Variants in LANCL3 observed in about 807,000 individuals in gnomAD.
The protein encoded by LANCL3 is LanC like family member 3.
In LANCL3, 19 loss-of-function variants were observed where a neutral mutation model predicts 26.5. That is an observed-to-expected ratio of 0.72 (90% CI 0.50 to 1.05). LANCL3 has a LOEUF of 1.05. LANCL3 is among the 50% of genes least tolerant of loss of function. LANCL3 has a pLI of 0.00. For missense variants in LANCL3, 318 were observed against 362.7 expected (o/e 0.88, Z 1.00); for synonymous variants, 160 against 166.6 (o/e 0.96, Z 0.30).
At chrX:37,637,791 G>C (rs1481043829) in intron 1 of LANCL3, among the ~76,000 whole-genome samples, 4 of 110,670 alleles carry the variant, frequency 3.6e-5, no homozygotes, top group Non-Finnish European at 7.6e-5. Context: ...GGGAATGTCT[G>C]CCTAGCTCAG....
At chrX:37,646,403 A>G (rs1556426916) in intron 1 of LANCL3, among the ~76,000 whole-genome samples, 1 of 112,214 alleles carries the variant, frequency 8.9e-6, no homozygotes. Context: ...CCTTAAGTAA[A>G]TCTTTATCTG....
intron 1 of LANCL3, among the ~76,000 whole-genome samples, chrX:37,610,303 GT>G (rs1924831268): frequency 8.9e-6 from 1 of 111,841 alleles, no homozygotes; most frequent in Admixed American, 9.5e-5. Context: ...TATAGCAAAA[GT>G]GCATGACATT....
intron 1 of LANCL3, among the ~76,000 whole-genome samples, chrX:37,637,496 C>T (rs1303043002): frequency 3.6e-5 from 4 of 111,001 alleles, no homozygotes; most frequent in East Asian, 2.8e-4. Context: ...AGAATACATG[C>T]GCGTGGCCCC....
chrX:37,637,169 GA>G (rs1925729800), intron 1 of LANCL3, among the ~76,000 whole-genome samples: 1 of 111,610 alleles, frequency 9.0e-6, no homozygotes, highest in African/African-American at 3.3e-5. Context: ...GTGCATTTTT[GA>G]AAAAGGAATT....
At chrX:37,665,602 TC>T (rs1556433744) in intron 3 of LANCL3, among the ~76,000 whole-genome samples, 2 of 112,373 alleles carry the variant, frequency 1.8e-5, no homozygotes, top group Non-Finnish European at 3.8e-5. Flanking sequence ...TATTTTTATC[TC>T]CCTTTTTAGA....
intron 1 of LANCL3, among the ~76,000 whole-genome samples, chrX:37,625,696 C>T (rs1162906934): frequency 9.0e-6 from 1 of 111,077 alleles, no homozygotes; most frequent in African/African-American, 3.3e-5. Context: ...AGAGCTCTTC[C>T]AGGTGTCCTT....
chrX:37,677,009 C>T lies in LANCL3; in HGVS notation c.*1196C>T, dbSNP rs1926826185. 8.9e-6 allele frequency: 1 copy of T among 111,894 alleles called. No individual in the cohort carries two copies. The highest frequency in any genetic ancestry group is 3.2e-5 in the African/African-American group (1 of 30,816). The allele number at this position is 111,894 out of a possible 1,213,427, so 9.2% of individuals were successfully genotyped here. On this transcript the variant is annotated 3_prime_UTR_variant, in exon 5 of 5. Transcript: ENST00000378619. ...AACACTGTAGGAGCATCTGTCACTT[C>T]ATTATGCAGAGCATAAGTTGATCCT... is the stretch of plus-strand genomic sequence containing the variant.
chrX:37,623,069 G>C (rs1292307148), intron 1 of LANCL3, among the ~76,000 whole-genome samples: 3 of 111,946 alleles, frequency 2.7e-5, no homozygotes, highest in African/African-American at 9.7e-5. Flanking sequence ...GTTGTTGTTT[G>C]TTTTTTGTTT....
At chrX:37,611,210 A>G (rs1487099799) in intron 1 of LANCL3, among the ~76,000 whole-genome samples, 1 of 112,031 alleles carries the variant, frequency 8.9e-6, no homozygotes, top group Non-Finnish European at 1.9e-5. Flanking sequence ...AAGCCAAACA[A>G]AGGCTTTAGG....
At chrX:37,675,006 G>C (rs782117960) in intron 4 of LANCL3, among the ~76,000 whole-genome samples, 7 of 112,047 alleles carry the variant, frequency 6.2e-5, no homozygotes. Flanking sequence ...GCAAATATGG[G>C]TAAAAGAAAA....
In LANCL3 at chrX:37,577,209, C is replaced by T. The variant is rs1556416504; in HGVS notation, c.573+4766C>T. The stretch of plus-strand genomic sequence containing the variant: ...TAAACCCCTTTTGTGCCAAGGACTC[C>T]TTGTCAGTCTGGTGAAACCTACAGG... On this transcript the variant is annotated intron_variant, in intron 1 of 4. Transcript: ENST00000378619. Among the ~76,000 whole-genome samples, 3 of 112,481 alleles carry T rather than the reference C, an allele frequency of 2.7e-5. No individual in the cohort carries two copies. The East Asian group carries it at 8.3e-4, about 31-fold the overall frequency.
chrX:37,633,073 C>T lies in LANCL3; in HGVS notation c.574-22615C>T, dbSNP rs782486481. Among the ~76,000 whole-genome samples, 186 of 111,389 alleles carry T rather than the reference C, an allele frequency of 1.7e-3. 1 individual carries two copies. Among genetic ancestry groups the T allele is most frequent in the African/African-American group, 5.6e-3 (172 of 30,703 alleles). On this transcript the variant is annotated intron_variant, in intron 1 of 4. Transcript: ENST00000378619. ...TTTTCCAACTTGGTTCCATTCTCCC[C>T]GTCACTTTCAGGTACACCAATCAGA...
chrX:37,619,056 A>G (rs1556421999), intron 1 of LANCL3, among the ~76,000 whole-genome samples: 1 of 111,568 alleles, frequency 9.0e-6, no homozygotes, highest in African/African-American at 3.3e-5. Flanking sequence ...ATTTCAAGGA[A>G]TGTTTCATCC....
intron 1 of LANCL3, among the ~76,000 whole-genome samples, chrX:37,593,512 TA>T (rs1286919745): frequency 7.1e-5 from 8 of 112,287 alleles, no homozygotes; most frequent in African/African-American, 1.9e-4. Flanking sequence ...GATAAGTTGC[TA>T]AAAAAATACA....
At chrX:37,600,521 C>G (rs1924549672) in intron 1 of LANCL3, among the ~76,000 whole-genome samples, 1 of 112,223 alleles carries the variant, frequency 8.9e-6, no homozygotes, top group Admixed American at 9.4e-5. Context: ...AGTAACCTTC[C>G]TTCTTGCCAC....
At chrX:37,627,072 A>G (rs1925335893) in intron 1 of LANCL3, among the ~76,000 whole-genome samples, 1 of 111,887 alleles carries the variant, frequency 8.9e-6, no homozygotes, top group Non-Finnish European at 1.9e-5. Flanking sequence ...AAAAATGAGG[A>G]TGGATGCAAA....
rs150826256 is a variant in LANCL3, at chrX:37,627,838, A to T, written c.574-27850A>T. On this transcript the variant is annotated intron_variant, in intron 1 of 4. Transcript: ENST00000378619. ...AGCCCACAACCTCTGCCCTGAAATC[A>T]GTGCTCAGTATCTTTGTTGACTGGT... is the stretch of plus-strand genomic sequence containing the variant. Among the ~76,000 whole-genome samples, 487 of 112,112 alleles carry T rather than the reference A, an allele frequency of 4.3e-3. 4 individuals carry two copies. The highest frequency in any genetic ancestry group is 0.015 in the African/African-American group (468 of 30,876).
At chrX:37,655,341 CAGTT>C (rs1926255963) in intron 1 of LANCL3, among the ~76,000 whole-genome samples, 1 of 111,895 alleles carries the variant, frequency 8.9e-6, no homozygotes, top group Non-Finnish European at 1.9e-5. Flanking sequence ...TAAGCATAAT[CAGTT>C]AGGACCACTA....
chrX:37,585,051 G>A (rs1556417659), intron 1 of LANCL3, among the ~76,000 whole-genome samples: 1 of 111,866 alleles, frequency 8.9e-6, no homozygotes, highest in East Asian at 2.8e-4. Context: ...ATTTCGTTAT[G>A]TACCCAGTAG....
Sources: allele counts gnomAD v4.1 joint callset (sites outside exome capture counted in the v4.1 genomes callset), GRCh38; gene constraint gnomAD v4.1.1; transcripts MANE v1.5; gene names NCBI Gene and HGNC (gene_info 2026-07-23, HGNC 2026-07-21).